Variants in ANKH observed in about 807,000 individuals in gnomAD.
The protein encoded by ANKH is mineralization regulator ANKH.
A neutral mutation model predicts 49.0 loss-of-function variants in ANKH; 15 were observed. The observed-to-expected ratio is 0.31, with a 90% CI of 0.20 to 0.47. ANKH has a LOEUF of 0.47. Among genes scored for constraint, ANKH ranks in the 20% least tolerant of loss-of-function variants. The pLI is 1.00. For synonymous variants in ANKH, 273 were observed against 260.0 expected, an observed-to-expected ratio of 1.05 and a Z score of -0.48; for missense variants, 429 against 652.0, an observed-to-expected ratio of 0.66 and a Z score of 3.72.
chr5:14,794,131 GA>G (rs1740296482), intron 1 of ANKH, among the ~76,000 whole-genome samples: 1 of 152,238 alleles, frequency 6.6e-6, no homozygotes, highest in South Asian at 2.1e-4. Context: ...TATTCTCCAG[GA>G]AGTCCTAACA....
intron 1 of ANKH, among the ~76,000 whole-genome samples, chr5:14,826,168 C>A (rs1034118952): frequency 6.6e-6 from 1 of 152,200 alleles, no homozygotes; most frequent in Non-Finnish European, 1.5e-5. Flanking sequence ...GGATAAAGTA[C>A]ACATTGATGT....
chr5:14,788,102 C>G (rs1489610937), intron 1 of ANKH: 1 of 152,252 alleles, frequency 6.6e-6, no homozygotes, highest in African/African-American at 2.4e-5. Context: ...CTTCTTGGAG[C>G]CCTAGAAGCT....
At chr5:14,814,550 G>A (rs1561067826) in intron 1 of ANKH, among the ~76,000 whole-genome samples, 2 of 152,204 alleles carry the variant, frequency 1.3e-5, no homozygotes, top group Non-Finnish European at 1.5e-5. Flanking sequence ...AGGCTGCAGT[G>A]AGCCATGATT....
chr5:14,834,624 C>T (rs1247011508), intron 1 of ANKH, among the ~76,000 whole-genome samples: 1 of 151,924 alleles, frequency 6.6e-6, no homozygotes, highest in East Asian at 1.9e-4. Flanking sequence ...CTAAAAAATA[C>T]GTAAAAATTA....
chr5:14,812,832 T>C (rs1740926076), intron 1 of ANKH, among the ~76,000 whole-genome samples: 1 of 152,194 alleles, frequency 6.6e-6, no homozygotes, highest in Non-Finnish European at 1.5e-5. Flanking sequence ...ATCTTTGTAC[T>C]CAAGTAACTG....
chr5:14,809,520 A>C (rs1440401810), intron 1 of ANKH, among the ~76,000 whole-genome samples: 1 of 152,118 alleles, frequency 6.6e-6, no homozygotes, highest in Non-Finnish European at 1.5e-5. Context: ...GTGCCACTGC[A>C]CTCCAACGTG....
intron 8 of ANKH, among the ~76,000 whole-genome samples, chr5:14,735,643 C>G (rs1358946781): frequency 6.6e-6 from 1 of 152,154 alleles, no homozygotes; most frequent in Non-Finnish European, 1.5e-5. Context: ...AGGGTCTGTT[C>G]CAGGCCTTTC....
chr5:14,742,083 G>C (rs570959835), intron 7 of ANKH, among the ~76,000 whole-genome samples, 161 bp from the exon 8 acceptor site: 1 of 152,168 alleles, frequency 6.6e-6, no homozygotes, highest in Non-Finnish European at 1.5e-5. Context: ...AGTGTCTCTC[G>C]GGCAGCTGTC....
At chr5:14,825,534 G>T (rs1453525646) in intron 1 of ANKH, among the ~76,000 whole-genome samples, 2 of 152,036 alleles carry the variant, frequency 1.3e-5, no homozygotes, top group East Asian at 1.9e-4. Flanking sequence ...GTATTTTTTT[G>T]TAGAGACAGG....
At chr5:14,836,905 T>C (rs1741672040) in intron 1 of ANKH, among the ~76,000 whole-genome samples, 1 of 152,236 alleles carries the variant, frequency 6.6e-6, no homozygotes, top group Admixed American at 6.5e-5. Flanking sequence ...AGCATGATAC[T>C]GGTACCAAAA....
chr5:14,824,558 T>C (rs544386346), intron 1 of ANKH, among the ~76,000 whole-genome samples: 10 of 152,172 alleles, frequency 6.6e-5, no homozygotes, highest in Non-Finnish European at 1.5e-4. Flanking sequence ...TTAATCATAA[T>C]ACAAAATAAG....
chr5:14,746,303 T>C (rs896447247), intron 6 of ANKH, among the ~76,000 whole-genome samples: 3 of 151,966 alleles, frequency 2.0e-5, no homozygotes, highest in Non-Finnish European at 1.5e-5. Flanking sequence ...TTTTTTTTTT[T>C]TCCTTCTCTC....
At chr5:14,798,267 A>G in intron 1 of ANKH, 1 of 1,604,394 alleles carries the variant, frequency 6.2e-7, no homozygotes, top group Non-Finnish European at 8.5e-7. Context: ...CTGGGCAGTT[A>G]GGCTGGGCCA....
At chr5:14,811,087 C>G (rs1035683980) in intron 1 of ANKH, among the ~76,000 whole-genome samples, 1 of 152,184 alleles carries the variant, frequency 6.6e-6, no homozygotes, top group East Asian at 1.9e-4. Flanking sequence ...GTAGACTGCA[C>G]AGCCTCCTCA....
chr5:14,782,712 A>G (rs188469911), intron 1 of ANKH, among the ~76,000 whole-genome samples: 2 of 152,336 alleles, frequency 1.3e-5, no homozygotes, highest in Non-Finnish European at 2.9e-5. Flanking sequence ...CGTATTTAAT[A>G]TATCTGAGCC....
At chr5:14,854,826 A>G (rs1400769042) in intron 1 of ANKH, among the ~76,000 whole-genome samples, 1 of 152,136 alleles carries the variant, frequency 6.6e-6, no homozygotes, top group Non-Finnish European at 1.5e-5. Context: ...ACCCTGAACC[A>G]GGCCACAGCT....
chr5:14,726,599 G>A (rs984421662), intron 8 of ANKH, among the ~76,000 whole-genome samples: 5 of 152,240 alleles, frequency 3.3e-5, no homozygotes, highest in Middle Eastern at 3.4e-3. Context: ...CTGTCCTCAC[G>A]GTGGTTTCCT....
At chr5:14,757,458 T>C in intron 3 of ANKH, among the ~76,000 whole-genome samples, 1 of 146,074 alleles carries the variant, frequency 6.8e-6, no homozygotes, top group South Asian at 2.2e-4. Context: ...TTGCTAAGTC[T>C]TTTTTATATT....
intron 6 of ANKH, 79 bp from the exon 7 acceptor site, chr5:14,746,041 G>A (rs899793158): frequency 1.6e-5 from 18 of 1,137,546 alleles, no homozygotes; most frequent in Middle Eastern, 2.6e-4. Context: ...GACGAAGCAC[G>A]CCGACTCAGG....
Sources: gnomAD v4.1 joint callset for allele counts (sites outside exome capture counted in the v4.1 genomes callset) on GRCh38, gnomAD v4.1.1 for gene constraint, MANE v1.5 for transcripts, NCBI Gene and HGNC (gene_info 2026-07-23, HGNC 2026-07-21) for gene names.